HAPLN2: variants seen among roughly 807,000 people sequenced by gnomAD.
HAPLN2 encodes the protein brain link protein-1.
A neutral mutation model predicts 29.3 loss-of-function variants in HAPLN2; 27 were observed. The ratio of observed to expected loss-of-function variants is 0.92; its 90% CI spans 0.68 to 1.27. The LOEUF (loss-of-function observed/expected upper bound fraction) is 1.27. Ranked by LOEUF, HAPLN2 falls within the 50% of genes most tolerant of loss-of-function variation. The pLI, the probability that HAPLN2 is intolerant of heterozygous loss-of-function variation, is 0.00. For synonymous variants in HAPLN2, 208 were observed against 211.7 expected (o/e 0.98, Z 0.15); for missense variants, 454 against 484.3 (o/e 0.94, Z 0.59).
At chr1:156,609,949 C>T in the HAPLN2 span, among the ~76,000 whole-genome samples, 1 of 152,208 alleles carries the variant, frequency 6.6e-6, no homozygotes, top group East Asian at 1.9e-4. Flanking sequence ...GGCGCAGTGG[C>T]TCACGCCTGT....
Position 156,624,014 on chromosome 1 carries a change from G to A in HAPLN2, c.293G>A (p.Gly98Glu). The part of the protein sequence containing the change: ...GLHARGYGPL[G>E]GRARMRRGHR... Reference sequence around the variant, plus strand: ...CACGCCCGGGGGTATGGGCCCCTGGGAGGGCGCGCCAGGATGCGGAGGGGG... The same window carrying A: ...CACGCCCGGGGGTATGGGCCCCTGGAAGGGCGCGCCAGGATGCGGAGGGGG... The change falls in exon 4 of 7, where the codon GGA (glycine) becomes GAA (glutamate). Residue 98 changes from glycine (G) to glutamate (E), a missense_variant. By Grantham distance (98) the Gly-to-Glu change is moderately conservative. Around this residue, in one of 3 missense-constraint regions of HAPLN2, gnomAD observed 204 missense variants for 209.2 expected, o/e 0.98. Coordinates refer to ENST00000255039, the MANE Select transcript of HAPLN2 (RefSeq NM_021817.3). 1.2e-6 allele frequency: 2 copies of A among 1,611,422 alleles called. No homozygotes were observed. Among genetic ancestry groups the A allele is most frequent in the Non-Finnish European group, 1.7e-6 (2 of 1,178,930 alleles).
At chr1:156,620,842 A>T (rs1571416529) in intron 2 of HAPLN2, among the ~76,000 whole-genome samples, 2 of 152,318 alleles carry the variant, frequency 1.3e-5, no homozygotes, top group East Asian at 3.9e-4. Flanking sequence ...TGGGAACTGG[A>T]GATAACAGCT....
At chr1:156,624,909 G>GGCCCCCCCCCCCCCCCCCCCCCCCCC in intron 6 of HAPLN2, 126 bp downstream of exon 6, 1 of 999,520 alleles carries the variant, frequency 1.0e-6, no homozygotes, top group Non-Finnish European at 1.4e-6. Context: ...CCCCCCATCA[G>GGCCCCCCCCCCCCCCCCCCCCCCCCC]CCCGCCCGCC....
chr1:156,604,174 A>G, the HAPLN2 span, among the ~76,000 whole-genome samples: 1 of 152,246 alleles, frequency 6.6e-6, no homozygotes, highest in African/African-American at 2.4e-5. Flanking sequence ...AGTAATATTT[A>G]TAAAATGGAA....
At chr1:156,609,425 C>T in the HAPLN2 span, among the ~76,000 whole-genome samples, 1 of 152,184 alleles carries the variant, frequency 6.6e-6, no homozygotes, top group Non-Finnish European at 1.5e-5. Context: ...ATTAAGGGGG[C>T]TTTTCACTTT....
upstream of HAPLN2, chr1:156,619,188 T>C (rs1678141366): frequency 6.6e-6 from 1 of 152,152 alleles, no homozygotes; most frequent in African/African-American, 2.4e-5. Context: ...TCTCTTCTTC[T>C]TGGGGATGTC....
At chr1:156,621,277 G>C (rs910847164) in intron 2 of HAPLN2, among the ~76,000 whole-genome samples, 1 of 151,598 alleles carries the variant, frequency 6.6e-6, no homozygotes, top group African/African-American at 2.4e-5. Context: ...GCTGAATTTC[G>C]TATTTTTAGT....
the HAPLN2 span, among the ~76,000 whole-genome samples, chr1:156,603,630 A>T: frequency 6.6e-6 from 1 of 152,116 alleles, no homozygotes; most frequent in African/African-American, 2.4e-5. Context: ...TTTTAGTGTG[A>T]TGCACTTTGC....
the HAPLN2 span, among the ~76,000 whole-genome samples, chr1:156,605,395 C>A: frequency 9.9e-5 from 15 of 151,534 alleles, no homozygotes; most frequent in African/African-American, 3.6e-4. Context: ...AGTTCAAGAC[C>A]AGCCTGGCTA....
chr1:156,625,000 C>A, intron 6 of HAPLN2, 101 bp from the exon 7 acceptor site: 2 of 1,400,130 alleles, frequency 1.4e-6, no homozygotes, highest in Non-Finnish European at 1.9e-6. Context: ...CAAGCTCGAT[C>A]CAGCACCTCT....
intron 2 of HAPLN2, 39 bp from the exon 3 acceptor site, chr1:156,623,428 C>T (rs1228001327): frequency 9.6e-6 from 15 of 1,560,476 alleles, no homozygotes; most frequent in Non-Finnish European, 1.2e-5. Context: ...CACCCTTTTG[C>T]CCCAGTCCTA....
the HAPLN2 span, among the ~76,000 whole-genome samples, chr1:156,611,437 C>T: frequency 4.6e-5 from 7 of 152,056 alleles, no homozygotes; most frequent in East Asian, 1.9e-4. Context: ...TGGTCATGCG[C>T]GCCTGTAATC....
At chr1:156,620,232 AT>A (rs1678174699) in intron 2 of HAPLN2, 74 bp downstream of exon 2, 1 of 152,220 alleles carries the variant, frequency 6.6e-6, no homozygotes, top group South Asian at 2.1e-4. Flanking sequence ...CTGTTTTGAA[AT>A]GCAGAAATAT....
Position 156,625,119 on chromosome 1 carries a change from C to A in HAPLN2, c.758C>A (p.Pro253His). The change falls in exon 7 of 7, where the codon CCC becomes CAC. Residue 253 changes from proline to histidine, a missense_variant. Physicochemically the swap from Pro to His is moderately conservative, Grantham distance 77. Coordinates refer to ENST00000255039, the MANE Select transcript of HAPLN2 (RefSeq NM_021817.3). The surrounding 1 kb of genome is among the most constrained non-coding windows in gnomAD (Gnocchi z 5.7). ...TCCCCAGGCCAAGTGTTCTTCGTGC[C>A]CGGGCGGCTGACGCTGTCTGAAGCC... ...SALAGQVFFVPGRLTLSEAHA... is the reference protein window; with the variant it reads ...SALAGQVFFVHGRLTLSEAHA... 1 of 1,539,326 alleles carries A rather than the reference C, an allele frequency of 6.5e-7. No individual in the cohort carries two copies. Among genetic ancestry groups the A allele is most frequent in the Non-Finnish European group, 8.7e-7 (1 of 1,146,588 alleles).
chr1:156,608,703 T>C, the HAPLN2 span, among the ~76,000 whole-genome samples: 4 of 152,032 alleles, frequency 2.6e-5, no homozygotes, highest in South Asian at 6.3e-4. Flanking sequence ...CCACCACACT[T>C]GGCTAATTTT....
At chr1:156,615,609 C>T (rs1678038173), upstream of HAPLN2, among the ~76,000 whole-genome samples, 2 of 149,060 alleles carry the variant, frequency 1.3e-5, no homozygotes, top group Middle Eastern at 3.4e-3. Context: ...CTTGGTCTAT[C>T]GCCCAGGCTG....
Position 156,625,490 on chromosome 1 carries a change from C to G in HAPLN2, c.*106C>G. The G allele has an allele frequency of 1.6e-6, 2 of 1,233,048 alleles. No individual in the cohort carries two copies. The highest frequency in any genetic ancestry group is 2.2e-6 in the Non-Finnish European group (2 of 915,512). 76.4% of individuals were successfully genotyped at this position (1,233,048 alleles called of 1,614,324 possible). A position where few individuals can be genotyped will look rare whatever the true frequency, so the allele number is the denominator to read the frequency against. On this transcript the variant is annotated 3_prime_UTR_variant, in exon 7 of 7. Coordinates refer to ENST00000255039, the MANE Select transcript of HAPLN2 (RefSeq NM_021817.3). This position sits in a 1 kb window ranked among gnomAD's most constrained non-coding sequence, Gnocchi z 5.7. Reference sequence around the variant, plus strand: ...GCCTCCCCTCCCTCCAGACCCGGAGCGGCCTCTCCAGACCTGCCTTCCCAG... The same window carrying G: ...GCCTCCCCTCCCTCCAGACCCGGAGGGGCCTCTCCAGACCTGCCTTCCCAG...
rs752100697 is a variant in HAPLN2, at chr1:156,624,398, T to C, written c.487T>C (p.Tyr163His). The C allele has an allele frequency of 6.2e-7, 1 of 1,609,986 alleles. No individual in the cohort carries two copies. Among genetic ancestry groups the C allele is most frequent in the Non-Finnish European group, 8.5e-7 (1 of 1,178,416 alleles). Residue 163 changes from tyrosine (Y) to histidine (H), a missense_variant, in exon 5 of 7, where the codon TAC (tyrosine) becomes CAC (histidine). By Grantham distance (83) the Tyr-to-His change is moderately conservative. Coordinates refer to ENST00000255039, the MANE Select transcript of HAPLN2 (RefSeq NM_021817.3). ...QPSRGRYQFN[Y>H]YEAKQACEEQ... ...CAGCCGGGGCCGGTACCAGTTCAAT[T>C]ACTACGAGGCGAAGCAGGCGTGCGA... is the stretch of plus-strand genomic sequence containing the variant.
chr1:156,624,763 G>A lies in HAPLN2; in HGVS notation c.719G>A (p.Cys240Tyr). The change falls in exon 6 of 7, where the codon TGC (cysteine) becomes TAC (tyrosine). Residue 240 changes from cysteine (C) to tyrosine (Y), a missense_variant. Around this residue, in one of 3 missense-constraint regions of HAPLN2, gnomAD observed 235 missense variants for 236.9 expected, o/e 0.99. Coordinates refer to ENST00000255039, the MANE Select transcript of HAPLN2 (RefSeq NM_021817.3). ...ATGCGCGACCGCTACGACGCCTTCTGCTTCACCTCCGCGCTGGCGGGTGAG... is the reference window on the plus strand; with the variant it reads ...ATGCGCGACCGCTACGACGCCTTCTACTTCACCTCCGCGCTGGCGGGTGAG... Reference protein sequence around the residue: ...DRMRDRYDAFCFTSALAGQVF... With the variant: ...DRMRDRYDAFYFTSALAGQVF... 6.6e-7 allele frequency: 1 copy of A among 1,526,684 alleles called. No individual in the cohort carries two copies. Among genetic ancestry groups the A allele is most frequent in the Non-Finnish European group, 8.7e-7 (1 of 1,145,914 alleles). 94.6% of individuals were successfully genotyped at this position (1,526,684 alleles called of 1,614,324 possible).
Sources: allele counts gnomAD v4.1 joint callset (sites outside exome capture counted in the v4.1 genomes callset), GRCh38; gene constraint gnomAD v4.1.1; regional missense constraint gnomAD v4.1.1; non-coding constraint Gnocchi (gnomAD v3.1); transcripts MANE v1.5; gene names NCBI Gene and HGNC (gene_info 2026-07-23, HGNC 2026-07-21).